Variants in TMEM117 observed in about 807,000 individuals in gnomAD.
TMEM117 encodes transmembrane protein 117.
TMEM117 carries 27 observed loss-of-function variants against 52.4 expected under a neutral mutation model. The ratio of observed to expected loss-of-function variants is 0.51; its 90% CI spans 0.38 to 0.71. The LOEUF is 0.71. Among genes scored for constraint, TMEM117 ranks in the 30% least tolerant of loss-of-function variants. TMEM117 has a pLI of 0.00. For synonymous variants in TMEM117, 215 were observed against 206.3 expected, an observed-to-expected ratio of 1.04 and a Z score of -0.36; for missense variants, 556 against 630.5, an observed-to-expected ratio of 0.88 and a Z score of 1.26.
At chr12:43,835,826 T>G (rs1160168042), upstream of TMEM117, 1 of 149,948 alleles carries the variant, frequency 6.7e-6, no homozygotes, top group Non-Finnish European at 1.5e-5. Context: ...CGGGCTGGAG[T>G]CAGCCCGTGG....
At chr12:44,314,536 T>C (rs1217397006) in intron 6 of TMEM117, among the ~76,000 whole-genome samples, 2 of 151,670 alleles carry the variant, frequency 1.3e-5, no homozygotes, top group South Asian at 2.1e-4. Context: ...TGTCTATGTT[T>C]ATCAGGGATA....
At position 44,388,021 on chromosome 12, in the gene TMEM117, T is replaced by A. The variant is rs1952113898; in HGVS notation, c.899-5T>A. ...GATTAATGCAGTATTTCTTTTTTAATGCAGGCAAATGGTTTAACTATGGAA... is the reference window on the plus strand; with the variant it reads ...GATTAATGCAGTATTTCTTTTTTAAAGCAGGCAAATGGTTTAACTATGGAA... On this transcript the variant is annotated splice_polypyrimidine_tract_variant and splice_region_variant and intron_variant, in intron 7 of 7. Transcript: ENST00000266534. 1 of 1,595,304 alleles carries A rather than the reference T, an allele frequency of 6.3e-7. No individual in the cohort carries two copies. The highest frequency in any genetic ancestry group is 8.5e-7 in the Non-Finnish European group (1 of 1,171,954).
At chr12:44,226,072 G>A (rs190366767) in intron 5 of TMEM117, among the ~76,000 whole-genome samples, 1 of 152,262 alleles carries the variant, frequency 6.6e-6, no homozygotes, top group Non-Finnish European at 1.5e-5. Context: ...ACATTTACAT[G>A]GCGCTCTAAC....
chr12:44,164,410 T>G (rs1252630033), intron 4 of TMEM117, among the ~76,000 whole-genome samples: 1 of 152,106 alleles, frequency 6.6e-6, no homozygotes, highest in African/African-American at 2.4e-5. Context: ...TTCTTATGCC[T>G]TTTCATCCTC....
chr12:44,393,822 T>C (rs1952171123), downstream of TMEM117, among the ~76,000 whole-genome samples: 1 of 152,220 alleles, frequency 6.6e-6, no homozygotes, highest in African/African-American at 2.4e-5. Context: ...TCAAATTAAA[T>C]GGCAAAAGCA....
At chr12:44,016,589 A>G (rs1284575938) in intron 3 of TMEM117, among the ~76,000 whole-genome samples, 3 of 152,210 alleles carry the variant, frequency 2.0e-5, no homozygotes. Context: ...TTTAAACTAG[A>G]TGGGAAACAA....
At chr12:43,939,830 A>T (rs1945014928) in intron 2 of TMEM117, among the ~76,000 whole-genome samples, 1 of 151,534 alleles carries the variant, frequency 6.6e-6, no homozygotes, top group Non-Finnish European at 1.5e-5. Flanking sequence ...AAGAGATTTA[A>T]TCGACTCTTA....
chr12:44,095,363 A>G (rs1248560784), intron 3 of TMEM117, among the ~76,000 whole-genome samples: 1 of 152,156 alleles, frequency 6.6e-6, no homozygotes, highest in Non-Finnish European at 1.5e-5. Context: ...AAGTAAATTC[A>G]TTCAACGAGT....
At chr12:44,384,443 T>C (rs1283602511) in intron 7 of TMEM117, among the ~76,000 whole-genome samples, 1 of 152,072 alleles carries the variant, frequency 6.6e-6, no homozygotes, top group Non-Finnish European at 1.5e-5. Context: ...GCCTCTCTTC[T>C]GTGGGGGAGA....
At chr12:44,094,878 A>G (rs981465601) in intron 3 of TMEM117, among the ~76,000 whole-genome samples, 1 of 152,154 alleles carries the variant, frequency 6.6e-6, no homozygotes, top group Non-Finnish European at 1.5e-5. Flanking sequence ...TTTGTTAGAC[A>G]CTTTTTCTAA....
chr12:43,821,210 T>G, the TMEM117 span, among the ~76,000 whole-genome samples: 1 of 152,186 alleles, frequency 6.6e-6, no homozygotes, highest in Non-Finnish European at 1.5e-5. Context: ...TAAGCAAATA[T>G]TTTTTAATCC....
intron 3 of TMEM117, among the ~76,000 whole-genome samples, chr12:44,041,401 A>G (rs933727520): frequency 2.0e-5 from 3 of 151,844 alleles, no homozygotes; most frequent in African/African-American, 7.3e-5. Context: ...AATCTGTATC[A>G]TGCATGCAAT....
intron 4 of TMEM117, among the ~76,000 whole-genome samples, chr12:44,151,521 C>G (rs1482398873): frequency 7.9e-6 from 1 of 126,628 alleles, no homozygotes; most frequent in East Asian, 2.8e-4. Flanking sequence ...CCCCCCACCC[C>G]ACAACAGTCC....
At chr12:44,266,282 C>T (rs994469617) in intron 5 of TMEM117, among the ~76,000 whole-genome samples, 1 of 152,142 alleles carries the variant, frequency 6.6e-6, no homozygotes, top group African/African-American at 2.4e-5. Flanking sequence ...TCTCTATCCT[C>T]TTAAACATTT....
chr12:44,202,624 C>T (rs116435791), intron 4 of TMEM117, among the ~76,000 whole-genome samples: 2,988 of 152,150 alleles, frequency 0.02, 59 homozygotes, highest in South Asian at 0.053. Flanking sequence ...TGTGACTCTT[C>T]AAGGTTTTGG....
chr12:44,282,107 AT>A (rs370761947), intron 5 of TMEM117, among the ~76,000 whole-genome samples: 1,633 of 151,778 alleles, frequency 0.011, 28 homozygotes, highest in African/African-American at 0.036. Flanking sequence ...CTTCTTTCTC[AT>A]TTTTCTCTTG....
chr12:43,972,407 A>C (rs1373362373), intron 3 of TMEM117, among the ~76,000 whole-genome samples: 1 of 152,186 alleles, frequency 6.6e-6, no homozygotes, highest in African/African-American at 2.4e-5. Context: ...TAAAGGTGGC[A>C]TGGACCCAAA....
At chr12:44,282,795 C>T (rs1233149977) in intron 5 of TMEM117, among the ~76,000 whole-genome samples, 2 of 152,240 alleles carry the variant, frequency 1.3e-5, no homozygotes, top group South Asian at 2.1e-4. Context: ...CCCAAGACCA[C>T]GTGTAAAATA....
chr12:44,027,970 C>T (rs747649173), intron 3 of TMEM117, among the ~76,000 whole-genome samples: 31 of 152,082 alleles, frequency 2.0e-4, no homozygotes, highest in Non-Finnish European at 3.7e-4. Flanking sequence ...CTTAGGGAGG[C>T]CGAGGTGAGC....
Sources: allele counts gnomAD v4.1 joint callset (sites outside exome capture counted in the v4.1 genomes callset), GRCh38; gene constraint gnomAD v4.1.1; transcripts MANE v1.5; gene names NCBI Gene and HGNC (gene_info 2026-07-23, HGNC 2026-07-21).